FLNB: variants seen among roughly 807,000 people sequenced by gnomAD.
FLNB encodes the protein filamin B.
FLNB carries 111 observed loss-of-function variants against 250.6 expected under a neutral mutation model. The observed-to-expected ratio is 0.44, with a 90% CI of 0.38 to 0.52. FLNB has a LOEUF of 0.52. Ranked by LOEUF, FLNB falls within the 20% of genes least tolerant of loss-of-function variation. The pLI, the probability that FLNB is intolerant of heterozygous loss-of-function variation, is 0.00. For missense variants in FLNB, 2,869 were observed against 3,447.8 expected, an observed-to-expected ratio of 0.83 and a Z score of 4.20; for synonymous variants, 1,302 against 1,372.1, an observed-to-expected ratio of 0.95 and a Z score of 1.13.
At chr3:58,035,988 A>G (rs1010880426) in intron 1 of FLNB, among the ~76,000 whole-genome samples, 1 of 152,172 alleles carries the variant, frequency 6.6e-6, no homozygotes, top group Non-Finnish European at 1.5e-5. Flanking sequence ...ACAAAGCTTA[A>G]TTGTTTTGGA....
chr3:58,055,614 T>C (rs1212067489), intron 1 of FLNB, among the ~76,000 whole-genome samples: 1 of 152,200 alleles, frequency 6.6e-6, no homozygotes, highest in Non-Finnish European at 1.5e-5. Context: ...TAGACAGTGG[T>C]GCTGTGGTGT....
intron 3 of FLNB, among the ~76,000 whole-genome samples, chr3:58,081,393 A>C (rs1004630483): frequency 6.6e-6 from 1 of 152,180 alleles, no homozygotes; most frequent in African/African-American, 2.4e-5. Flanking sequence ...AACTTTTGGA[A>C]GTTACATGCA....
At chr3:58,108,952 C>G (rs2097264074) in intron 13 of FLNB, among the ~76,000 whole-genome samples, 1 of 152,172 alleles carries the variant, frequency 6.6e-6, no homozygotes, top group African/African-American at 2.4e-5. Context: ...GTGGCCAAAG[C>G]TTTGTTTTTG....
At chr3:58,098,257 C>A (rs1030135380) in intron 7 of FLNB, among the ~76,000 whole-genome samples, 5 of 152,108 alleles carry the variant, frequency 3.3e-5, no homozygotes, top group African/African-American at 1.2e-4. Flanking sequence ...AACCATAAAC[C>A]CTTCAACCCC....
Position 58,148,337 on chromosome 3 carries a change from C to T in FLNB, c.5860C>T (p.Leu1954=). The T allele has an allele frequency of 6.2e-7, 1 of 1,613,880 alleles. No homozygotes were observed. The highest frequency in any genetic ancestry group is 1.7e-4 in the Middle Eastern group (1 of 6,060). The change falls in exon 35 of 46, where the codon CTG becomes TTG. Residue 1954 remains leucine, a synonymous_variant. Coordinates refer to ENST00000295956, the MANE Select transcript of FLNB (RefSeq NM_001457.4). Reference sequence around the variant, plus strand: ...ATCTGGCCGAGACGAGCCCTGTCTCCTGAAGAGGCTGCCCAACAACCACAT... The same window carrying T: ...ATCTGGCCGAGACGAGCCCTGTCTCTTGAAGAGGCTGCCCAACAACCACAT... ...APSGRDEPCL[L]KRLPNNHIGI... is the part of the protein sequence containing the mutation.
At chr3:58,148,467 T>C (rs2097339515) in intron 35 of FLNB, 103 bp downstream of exon 35, 1 of 1,408,124 alleles carries the variant, frequency 7.1e-7, no homozygotes, top group Non-Finnish European at 9.8e-7. Context: ...TGGAGTGTGA[T>C]GTGATAAACC....
At chr3:58,018,216 A>G (rs1427450380) in intron 1 of FLNB, among the ~76,000 whole-genome samples, 1 of 152,164 alleles carries the variant, frequency 6.6e-6, no homozygotes, top group Non-Finnish European at 1.5e-5. Context: ...GAGAAAAGAA[A>G]AGAACTTTTA....
At chr3:58,158,733 T>G (rs182817795) in intron 41 of FLNB, among the ~76,000 whole-genome samples, 40 of 152,318 alleles carry the variant, frequency 2.6e-4, no homozygotes, top group Middle Eastern at 3.4e-3. Context: ...GAAGAGGAGA[T>G]AGTTTCCAAG....
Position 58,138,483 on chromosome 3 carries a change from T to C in FLNB, c.5063T>C (p.Val1688Ala). The change falls in exon 29 of 46, where the codon GTG becomes GCG. Residue 1688 changes from valine to alanine, a missense_variant. Transcript: ENST00000295956. ...AAGCCGGGCACATATGTGATCTATG[T>C]GCGCTTCGGTGGTGTTGATATTCCT... ...AAKPGTYVIYVRFGGVDIPNS... is the reference protein window; with the variant it reads ...AAKPGTYVIYARFGGVDIPNS... The C allele has an allele frequency of 6.2e-7, 1 of 1,614,228 alleles. No homozygotes were observed. Among genetic ancestry groups the C allele is most frequent in the Non-Finnish European group, 8.5e-7 (1 of 1,180,036 alleles).
chr3:58,156,066 G>A lies in FLNB; in HGVS notation c.6879G>A (p.Met2293Ile), dbSNP rs751844144. ...PSDDARRLTV[M>I]SLQESGLKVN... ...ACGACGCCCGCCGCCTCACTGTTATGAGCCTTCAGGTGAGATGCAAGGAAG... is the reference window on the plus strand; with the variant it reads ...ACGACGCCCGCCGCCTCACTGTTATAAGCCTTCAGGTGAGATGCAAGGAAG... The change falls in exon 41 of 46, where the codon ATG becomes ATA. Residue 2293 changes from methionine to isoleucine, a missense_variant. Met to Ile is a conservative substitution (Grantham distance 10). Coordinates refer to ENST00000295956, the MANE Select transcript of FLNB (RefSeq NM_001457.4). The A allele has an allele frequency of 3.1e-6, 5 of 1,613,382 alleles. No individual in the cohort carries two copies. The South Asian group carries it at 4.4e-5, about 14-fold the overall frequency.
chr3:58,041,931 G>A (rs1233931008), intron 1 of FLNB, among the ~76,000 whole-genome samples: 1 of 152,140 alleles, frequency 6.6e-6, no homozygotes, highest in Non-Finnish European at 1.5e-5. Flanking sequence ...TGCCCCAAGT[G>A]CCCTCTTTGC....
intron 10 of FLNB, among the ~76,000 whole-genome samples, chr3:58,104,758 ACT>A (rs1273791117): frequency 1.1e-4 from 17 of 151,948 alleles, no homozygotes; most frequent in African/African-American, 4.1e-4. Flanking sequence ...TAGTGTGTGG[ACT>A]CTCTCACTTT....
Position 58,135,881 on chromosome 3 carries a change from T to C in FLNB, c.4672-98T>C, listed in dbSNP as rs2097315070. 5 of 1,235,644 alleles carry C rather than the reference T, an allele frequency of 4.0e-6. No homozygotes were observed. The Admixed American group carries it at 9.9e-5, about 24-fold the overall frequency. The allele number at this position is 1,235,644 out of a possible 1,614,324, so 76.5% of individuals were successfully genotyped here. A position where few individuals can be genotyped will look rare whatever the true frequency, so the allele number is the denominator to read the frequency against. ...TATTAAGCCATCAATTCTGTCTGTT[T>C]CCACTAGAGGCACTAATTGGAAAAT... On this transcript the variant is annotated intron_variant, in intron 27 of 45. Coordinates refer to ENST00000295956, the MANE Select transcript of FLNB (RefSeq NM_001457.4).
intron 1 of FLNB, among the ~76,000 whole-genome samples, chr3:58,035,024 T>C (rs1368344451): frequency 1.3e-5 from 2 of 152,232 alleles, no homozygotes; most frequent in African/African-American, 4.8e-5. Context: ...GATCACATGT[T>C]CTACCTGAAA....
In FLNB at chr3:58,138,485, C is replaced by T. The variant is rs762205881; in HGVS notation, c.5065C>T (p.Arg1689Cys). Residue 1689 changes from arginine to cysteine, a missense_variant, in exon 29 of 46, where the codon CGC becomes TGC. By Grantham distance (180) the Arg-to-Cys change is radical. Transcript: ENST00000295956. ...GCCGGGCACATATGTGATCTATGTGCGCTTCGGTGGTGTTGATATTCCTAA... is the reference window on the plus strand; with the variant it reads ...GCCGGGCACATATGTGATCTATGTGTGCTTCGGTGGTGTTGATATTCCTAA... ...AKPGTYVIYV[R>C]FGGVDIPNSP... The T allele has an allele frequency of 1.5e-5, 24 of 1,614,196 alleles. No individual in the cohort carries two copies. Among genetic ancestry groups the T allele is most frequent in the Non-Finnish European group, 1.9e-5 (23 of 1,180,024 alleles).
rs576836547 is a variant in FLNB, at chr3:58,113,669, A to G, written c.2745+1351A>G. On this transcript the variant is annotated intron_variant, in intron 18 of 45. Coordinates refer to ENST00000295956, the MANE Select transcript of FLNB (RefSeq NM_001457.4). Reference sequence around the variant, plus strand: ...GCTGCTGTTTGTGCTTTCTTCCCCAAATTTTTATTTTTATTTATTTATTTT... The same window carrying G: ...GCTGCTGTTTGTGCTTTCTTCCCCAGATTTTTATTTTTATTTATTTATTTT... Among the ~76,000 whole-genome samples the G allele has an allele frequency of 1.2e-4, 19 of 152,168 alleles. No individual in the cohort carries two copies. The East Asian group carries it at 3.3e-3, about 26-fold the overall frequency.
intron 28 of FLNB, among the ~76,000 whole-genome samples, chr3:58,136,818 C>T (rs1290142333): frequency 3.8e-5 from 5 of 130,712 alleles, no homozygotes; most frequent in Non-Finnish European, 6.2e-5. Context: ...GTGACGCAAT[C>T]TCAGCTCACT....
At chr3:58,083,791 G>A (rs916639928) in intron 4 of FLNB, among the ~76,000 whole-genome samples, 2 of 152,160 alleles carry the variant, frequency 1.3e-5, no homozygotes, top group Non-Finnish European at 2.9e-5. Flanking sequence ...GTTTGCAGTG[G>A]GTTGTGAGGT....
intron 18 of FLNB, among the ~76,000 whole-genome samples, chr3:58,116,018 G>A (rs1576745781): frequency 6.6e-6 from 1 of 152,158 alleles, no homozygotes; most frequent in South Asian, 2.1e-4. Flanking sequence ...ACAGAGCCTG[G>A]CCCTATAAGT....
Sources: gnomAD v4.1 joint callset for allele counts (sites outside exome capture counted in the v4.1 genomes callset) on GRCh38, gnomAD v4.1.1 for gene constraint, MANE v1.5 for transcripts, NCBI Gene and HGNC (gene_info 2026-07-23, HGNC 2026-07-21) for gene names.